The following TMEM266 variants were observed in gnomAD, a reference collection of about 807,000 sequenced individuals.
TMEM266 encodes transmembrane protein 266.
TMEM266 carries 33 observed loss-of-function variants against 50.5 expected under a neutral mutation model. That is an observed-to-expected ratio of 0.65 (90% CI 0.50 to 0.87). The LOEUF is 0.87. Ranked by LOEUF, TMEM266 falls within the 40% of genes least tolerant of loss-of-function variation. The pLI is 0.00. For synonymous variants in TMEM266, 310 were observed against 292.3 expected, an observed-to-expected ratio of 1.06 and a Z score of -0.62; for missense variants, 655 against 695.1, an observed-to-expected ratio of 0.94 and a Z score of 0.65.
chr15:76,196,543 C>T (rs2038659576), intron 9 of TMEM266, among the ~76,000 whole-genome samples: 2 of 152,216 alleles, frequency 1.3e-5, no homozygotes, highest in Non-Finnish European at 2.9e-5. Flanking sequence ...GTAGGCTACT[C>T]TGGAGATGAA....
rs1162851797 is a variant in TMEM266 at position 76,168,284 on chromosome 15, G to A, written c.457-1532G>A. On this transcript the variant is annotated intron_variant, in intron 5 of 10. Coordinates refer to ENST00000388942, the MANE Select transcript of TMEM266 (RefSeq NM_152335.3). The surrounding 1 kb of genome is among the most constrained non-coding windows in gnomAD (Gnocchi z 4.4). ...TCTCTCTACTCAGAGAAGGCAACAT[G>A]ACTGTCCCCCACAAGCATTCACCTT... Among the ~76,000 whole-genome samples, 1 of 152,208 alleles carries A rather than the reference G, an allele frequency of 6.6e-6. No homozygotes were observed. The highest frequency in any genetic ancestry group is 1.5e-5 in the Non-Finnish European group (1 of 68,038).
intron 3 of TMEM266, among the ~76,000 whole-genome samples, chr15:76,140,761 A>G (rs962883842): frequency 5.9e-5 from 9 of 151,996 alleles, no homozygotes; most frequent in African/African-American, 1.7e-4. Context: ...GGGGCGGGGC[A>G]TGCTAGTTCA....
At chr15:76,167,300 C>A (rs1459464625) in intron 5 of TMEM266, among the ~76,000 whole-genome samples, 1 of 151,798 alleles carries the variant, frequency 6.6e-6, no homozygotes, top group African/African-American at 2.4e-5. Context: ...GAAACCCCGT[C>A]TCTACTAAAA....
Position 76,068,785 on chromosome 15 carries a change from A to G in TMEM266, c.-97+8769A>G, listed in dbSNP as rs112651468. The stretch of plus-strand genomic sequence containing the variant: ...TAAGAAAATAACTTTCTGTTGTTTA[A>G]GCCACCCAATCTATGATATTCTGTT... On this transcript the variant is annotated intron_variant, in intron 1 of 10. Transcript: ENST00000388942. 5.0e-3 allele frequency among the ~76,000 whole-genome samples: 762 copies of G among 152,298 alleles called. 10 individuals are homozygous for G. The highest frequency in any genetic ancestry group is 0.017 in the African/African-American group (711 of 41,562).
chr15:76,163,930 A>G (rs1174794460), intron 5 of TMEM266, among the ~76,000 whole-genome samples: 1 of 152,166 alleles, frequency 6.6e-6, no homozygotes, highest in Non-Finnish European at 1.5e-5. Flanking sequence ...ACAGTGGACA[A>G]TTCCGTGGCA....
intron 8 of TMEM266, among the ~76,000 whole-genome samples, chr15:76,184,276 T>C (rs960223731): frequency 3.9e-5 from 6 of 152,222 alleles, no homozygotes; most frequent in African/African-American, 1.2e-4. Context: ...GGAAGTGATT[T>C]GTAAAACAGC....
intron 3 of TMEM266, among the ~76,000 whole-genome samples, chr15:76,150,038 C>T (rs753423461): frequency 3.9e-5 from 6 of 152,178 alleles, no homozygotes; most frequent in African/African-American, 1.2e-4. Context: ...AGAACTGGCA[C>T]GAGTGGAGCT....
chr15:76,106,750 A>G (rs867797463), intron 1 of TMEM266, among the ~76,000 whole-genome samples: 1 of 152,236 alleles, frequency 6.6e-6, no homozygotes, highest in Non-Finnish European at 1.5e-5. Flanking sequence ...CCAGCCTACA[A>G]CATGATGCTT....
chr15:76,095,972 T>G (rs534878043), intron 1 of TMEM266, among the ~76,000 whole-genome samples: 2 of 152,180 alleles, frequency 1.3e-5, no homozygotes, highest in South Asian at 4.1e-4. Context: ...ATCCCCTTCA[T>G]CATTTTTTAT....
chr15:76,079,663 C>T (rs2036656471), intron 1 of TMEM266, among the ~76,000 whole-genome samples: 2 of 149,832 alleles, frequency 1.3e-5, no homozygotes, highest in Non-Finnish European at 3.0e-5. Context: ...TGGTGTGTGC[C>T]TGTAATCCCA....
At chr15:76,197,639 C>T (rs1277077650) in intron 9 of TMEM266, among the ~76,000 whole-genome samples, 2 of 152,230 alleles carry the variant, frequency 1.3e-5, no homozygotes, top group South Asian at 2.1e-4. Flanking sequence ...AATATTAGTG[C>T]CCTCCCTTGG....
intron 1 of TMEM266, among the ~76,000 whole-genome samples, chr15:76,072,969 T>A (rs2036558593): frequency 6.8e-6 from 1 of 148,072 alleles, no homozygotes; most frequent in Admixed American, 6.8e-5. Context: ...TTTGCTCTTG[T>A]TGCCCGGGCT....
Position 76,192,029 on chromosome 15 carries a change from G to A in TMEM266, c.830G>A (p.Arg277His). 1.3e-6 allele frequency: 2 copies of A among 1,567,156 alleles called. No homozygotes were observed. Among genetic ancestry groups the A allele is most frequent in the East Asian group, 2.5e-5 (1 of 40,192 alleles). The stretch of plus-strand genomic sequence containing the variant: ...CAGGACCTGGACCTGGCTGCCGAGC[G>A]CGAAGCGGCGCTCCAGGCCCCGCAC... Residue 277 changes from arginine to histidine, a missense_variant, in exon 9 of 11, where the codon CGC becomes CAC. Coordinates refer to ENST00000388942, the MANE Select transcript of TMEM266 (RefSeq NM_152335.3).
chr15:76,150,071 A>G (rs2037814597), intron 3 of TMEM266, among the ~76,000 whole-genome samples: 1 of 152,146 alleles, frequency 6.6e-6, no homozygotes, highest in Non-Finnish European at 1.5e-5. Context: ...AAATTACCCA[A>G]TCCTGGGGCT....
At chr15:76,090,734 A>C (rs1356048512) in intron 1 of TMEM266, among the ~76,000 whole-genome samples, 1 of 152,144 alleles carries the variant, frequency 6.6e-6, no homozygotes, top group South Asian at 2.1e-4. Context: ...TAGAGAGATT[A>C]GAATTGTGAC....
At chr15:76,141,338 C>T (rs1357923874) in intron 3 of TMEM266, among the ~76,000 whole-genome samples, 2 of 151,232 alleles carry the variant, frequency 1.3e-5, no homozygotes, top group Admixed American at 6.6e-5. Context: ...CAGGTTTAAG[C>T]GATCCTCCCA....
At chr15:76,137,599 C>T in intron 2 of TMEM266, 108 bp from the exon 3 acceptor site, 2 of 1,157,478 alleles carry the variant, frequency 1.7e-6, no homozygotes, top group Non-Finnish European at 2.6e-6. Context: ...TAAGCTTCCT[C>T]AGCCCTCCAC....
chr15:76,078,281 GC>G (rs1481835869), intron 1 of TMEM266, among the ~76,000 whole-genome samples: 1 of 152,068 alleles, frequency 6.6e-6, no homozygotes, highest in African/African-American at 2.4e-5. Context: ...CAGTCACAGA[GC>G]AGCTTCCAGG....
intron 1 of TMEM266, among the ~76,000 whole-genome samples, chr15:76,082,934 A>C (rs369550255): frequency 6.6e-6 from 1 of 151,872 alleles, no homozygotes; most frequent in African/African-American, 2.4e-5. Context: ...GCACCATTGC[A>C]CTCCAGGCTG....
Sources: gnomAD v4.1 joint callset for allele counts (sites outside exome capture counted in the v4.1 genomes callset) on GRCh38, gnomAD v4.1.1 for gene constraint, Gnocchi (gnomAD v3.1) non-coding constraint, MANE v1.5 for transcripts, NCBI Gene and HGNC (gene_info 2026-07-23, HGNC 2026-07-21) for gene names.